Variants in INTS6 observed in about 807,000 individuals in gnomAD.
INTS6 encodes the protein DEAD box protein.
INTS6 carries 16 observed loss-of-function variants against 104.9 expected under a neutral mutation model. The observed-to-expected ratio is 0.15, with a 90% CI of 0.10 to 0.23. The LOEUF (loss-of-function observed/expected upper bound fraction) is 0.23. INTS6 is among the 10% of genes least tolerant of loss of function. INTS6 has a pLI of 1.00. For synonymous variants in INTS6, 324 were observed against 358.7 expected (o/e 0.90, Z 1.09); for missense variants, 584 against 1,062.8 (o/e 0.55, Z 6.26).
rs1955577964 is a variant in INTS6, at chr13:51,361,645, T to A, written c.*4107A>T. 7 of 631,622 alleles carry A rather than the reference T, an allele frequency of 1.1e-5. No individual in the cohort carries two copies. In the South Asian group the frequency reaches 1.5e-4, roughly 14 times the overall value. 39.1% of individuals were successfully genotyped at this position (631,622 alleles called of 1,614,324 possible). A position where few individuals can be genotyped will look rare whatever the true frequency, so the allele number is the denominator to read the frequency against. ...AGGAGACAGGATTGGCTAAATGGCA[T>A]CTTTTCTCTTTAATTTTCCCATCTG... On this transcript the variant is annotated 3_prime_UTR_variant, in exon 18 of 18. Coordinates refer to ENST00000311234, the MANE Select transcript of INTS6 (RefSeq NM_012141.3).
intron 4 of INTS6, among the ~76,000 whole-genome samples, chr13:51,417,688 C>T (rs1324771276): frequency 6.6e-6 from 1 of 152,112 alleles, no homozygotes; most frequent in Non-Finnish European, 1.5e-5. Context: ...AACTCCTGAG[C>T]TCAGGCAATC....
chr13:51,436,548 G>A (rs2138123626), intron 3 of INTS6: 1 of 152,206 alleles, frequency 6.6e-6, no homozygotes, highest in African/African-American at 2.4e-5. Context: ...CTGTTTTAAT[G>A]TAACGACTAA....
At chr13:51,352,339 A>G (rs759740661), downstream of INTS6, among the ~76,000 whole-genome samples, 1 of 151,796 alleles carries the variant, frequency 6.6e-6, no homozygotes, top group Non-Finnish European at 1.5e-5. Context: ...CATTAAATTT[A>G]TTCTAAGTAT....
At chr13:51,341,382 C>A in the INTS6 span, 2 of 1,539,802 alleles carry the variant, frequency 1.3e-6, no homozygotes, top group East Asian at 4.8e-5. Flanking sequence ...CTCACTTACC[C>A]TCCTGTTCAC....
At chr13:51,411,089 C>T (rs1049927479) in intron 4 of INTS6, among the ~76,000 whole-genome samples, 8 of 150,562 alleles carry the variant, frequency 5.3e-5, no homozygotes, top group African/African-American at 7.3e-5. Flanking sequence ...GGCGGGTGCC[C>T]GTAATCCTAG....
chr13:51,366,174 T>C (rs1273930142), intron 17 of INTS6, among the ~76,000 whole-genome samples: 3 of 151,980 alleles, frequency 2.0e-5, no homozygotes, highest in South Asian at 2.1e-4. Flanking sequence ...GCAAACACTC[T>C]AGTGAAATTT....
intron 4 of INTS6, among the ~76,000 whole-genome samples, chr13:51,397,428 A>C (rs1956358978): frequency 6.6e-6 from 1 of 152,158 alleles, no homozygotes. Context: ...CTGGCACGTA[A>C]GGCAGAAGGC....
At chr13:51,397,096 A>AT (rs1329171778) in intron 4 of INTS6, among the ~76,000 whole-genome samples, 8 of 152,104 alleles carry the variant, frequency 5.3e-5, no homozygotes, top group Non-Finnish European at 7.4e-5. Context: ...ATTAATTGTC[A>AT]TTTTTTATAC....
intron 14 of INTS6, 80 bp from the exon 15 acceptor site, chr13:51,374,519 G>T: frequency 6.6e-7 from 1 of 1,514,760 alleles, no homozygotes; most frequent in Non-Finnish European, 9.1e-7. Context: ...TCCAATGAAG[G>T]TAACTATATT....
chr13:51,348,848 G>GTCCCCCCATGACCC, the INTS6 span, among the ~76,000 whole-genome samples: 7 of 150,408 alleles, frequency 4.7e-5, no homozygotes, highest in Non-Finnish European at 7.4e-5. Context: ...ACGTAATTGA[G>GTCCCCCCATGACCC]CAAGTACAGA....
intron 3 of INTS6, chr13:51,448,814 A>G (rs1366891070): frequency 6.6e-6 from 1 of 152,198 alleles, no homozygotes; most frequent in Non-Finnish European, 1.5e-5. Flanking sequence ...ACAAGTATTT[A>G]GTACTGTGAA....
At chr13:51,420,772 A>C (rs977617229) in intron 4 of INTS6, among the ~76,000 whole-genome samples, 3 of 152,178 alleles carry the variant, frequency 2.0e-5, no homozygotes, top group Middle Eastern at 3.4e-3. Flanking sequence ...AAAAAAAAAA[A>C]AACTATCCAT....
At chr13:51,379,245 T>A (rs1241384547) in intron 11 of INTS6, among the ~76,000 whole-genome samples, 1 of 151,984 alleles carries the variant, frequency 6.6e-6, no homozygotes, top group African/African-American at 2.4e-5. Context: ...GCCATTTTCA[T>A]AAATTAGGAA....
In INTS6 at chr13:51,378,224, A is replaced by G. The variant is rs1228481130; in HGVS notation, c.1602+15T>C. The G allele has an allele frequency of 1.9e-6, 3 of 1,573,596 alleles. No homozygotes were observed. The highest frequency in any genetic ancestry group is 2.6e-6 in the Non-Finnish European group (3 of 1,143,744). ...CAGAACATAACTAGAGTAGCACTAA[A>G]TTCATGATTATTACCTTATTCAGCA... On this transcript the variant is annotated intron_variant, in intron 12 of 17. Coordinates refer to ENST00000311234, the MANE Select transcript of INTS6 (RefSeq NM_012141.3).
At position 51,452,258 on chromosome 13, in the gene INTS6, G is replaced by A; in HGVS notation, c.111+157C>T. 2 of 797,970 alleles carry A rather than the reference G, an allele frequency of 2.5e-6. No homozygotes were observed. The highest frequency in any genetic ancestry group is 3.3e-6 in the Non-Finnish European group (2 of 613,796). 49.4% of individuals were successfully genotyped at this position (797,970 alleles called of 1,614,324 possible). On this transcript the variant is annotated intron_variant, in intron 1 of 17. Transcript: ENST00000311234. This position sits in a 1 kb window ranked among gnomAD's most constrained non-coding sequence, Gnocchi z 4.2. ...CCCGGGCCCCGGCCGAACCCGGCTC[G>A]CAGCGCCCGCCCGCCCGCGCGGTGG...
chr13:51,401,216 T>G (rs549776323), intron 4 of INTS6, among the ~76,000 whole-genome samples: 1 of 152,048 alleles, frequency 6.6e-6, no homozygotes, highest in African/African-American at 2.4e-5. Flanking sequence ...TGCAAGAAGG[T>G]AGACTACTTC....
intron 3 of INTS6, chr13:51,450,823 C>T: frequency 1.7e-6 from 2 of 1,196,244 alleles, no homozygotes; most frequent in Non-Finnish European, 2.1e-6. Flanking sequence ...TCCTGAATAC[C>T]AATGCATTTT....
chr13:51,365,852 G>A lies in INTS6; in HGVS notation c.2571-7C>T. On this transcript the variant is annotated splice_region_variant and splice_polypyrimidine_tract_variant and intron_variant, in intron 17 of 17. Transcript: ENST00000311234. ...TAGCATTCGTTTTTTAAACCTGTAT[G>A]AAAAAATAAATAGTACTCTCAATTA... The A allele has an allele frequency of 3.9e-6, 6 of 1,546,852 alleles. No homozygotes were observed. The South Asian group carries it at 5.8e-5, about 15-fold the overall frequency.
downstream of INTS6, among the ~76,000 whole-genome samples, chr13:51,356,981 G>C (rs1955490608): frequency 2.0e-5 from 3 of 152,098 alleles, no homozygotes; most frequent in South Asian, 6.2e-4. Flanking sequence ...CTCTAAAGCA[G>C]GGGTCAGCAA....
Sources: gnomAD v4.1 joint callset for allele counts (sites outside exome capture counted in the v4.1 genomes callset) on GRCh38, gnomAD v4.1.1 for gene constraint, Gnocchi (gnomAD v3.1) non-coding constraint, MANE v1.5 for transcripts, NCBI Gene and HGNC (gene_info 2026-07-23, HGNC 2026-07-21) for gene names.